The following PPIH variants were observed in gnomAD, a reference collection of about 807,000 sequenced individuals.
PPIH encodes peptidyl-prolyl cis-trans isomerase H.
In PPIH, 16 loss-of-function variants were observed where a neutral mutation model predicts 27.6. The observed-to-expected ratio is 0.58, with a 90% confidence interval of 0.39 to 0.88. PPIH has a LOEUF of 0.88. PPIH is among the 40% of genes least tolerant of loss of function. PPIH has a pLI of 0.00. For missense variants in PPIH, 155 were observed against 224.1 expected, an observed-to-expected ratio of 0.69 and a Z score of 1.97; for synonymous variants, 63 against 76.1, an observed-to-expected ratio of 0.83 and a Z score of 0.90.
intron 5 of PPIH, among the ~76,000 whole-genome samples, chr1:42,663,332 G>A (rs2148713007): frequency 6.6e-6 from 1 of 152,160 alleles, no homozygotes; most frequent in South Asian, 2.1e-4. Flanking sequence ...GATAGATGAG[G>A]AAATTGAGGC....
At chr1:42,665,335 G>A (rs192084777) in intron 6 of PPIH, among the ~76,000 whole-genome samples, 2 of 152,238 alleles carry the variant, frequency 1.3e-5, no homozygotes, top group African/African-American at 4.8e-5. Context: ...AACCCAGGAC[G>A]GGGAAGTTGC....
At chr1:42,664,668 T>C (rs1243209435) in intron 5 of PPIH, among the ~76,000 whole-genome samples, 195 bp from the exon 6 acceptor site, 3 of 152,124 alleles carry the variant, frequency 2.0e-5, no homozygotes, top group Non-Finnish European at 4.4e-5. Context: ...CAGCCAGTCT[T>C]TGTGGGCTGT....
chr1:42,681,431 G>A (rs1052359366), downstream of PPIH: 2 of 152,162 alleles, frequency 1.3e-5, no homozygotes, highest in African/African-American at 4.8e-5. Context: ...GCCTCCATCA[G>A]AAGGCAGAAA....
Position 42,658,841 on chromosome 1 carries a change from C to A in PPIH, c.67-3C>A. ...CCTTCTGACACTCTCCCGCTGATTG[C>A]AGGAAGTTGGCCGCATGAAGATCGA... On this transcript the variant is annotated splice_polypyrimidine_tract_variant and splice_region_variant and intron_variant, in intron 1 of 9. Transcript: ENST00000304979. 6.2e-7 allele frequency: 1 copy of A among 1,614,220 alleles called. No individual in the cohort carries two copies. Among genetic ancestry groups the A allele is most frequent in the Non-Finnish European group, 8.5e-7 (1 of 1,180,014 alleles).
rs748988798 is a variant in PPIH, at chr1:42,661,101, T to C, written c.243+197T>C. 5.4e-4 allele frequency: 304 copies of C among 562,724 alleles called. 1 individual carries two copies. Among genetic ancestry groups the C allele is most frequent in the Middle Eastern group, 1.8e-3 (7 of 3,816 alleles). The allele number at this position is 562,724 out of a possible 1,614,324, so 34.9% of individuals were successfully genotyped here. On this transcript the variant is annotated intron_variant, in intron 5 of 9. Coordinates refer to ENST00000304979, the MANE Select transcript of PPIH (RefSeq NM_006347.4). ...ACGACTGACTGTAGATAACCGACTT[T>C]AGCACTTTGATTGAGGCATTAAATT... is the stretch of plus-strand genomic sequence containing the variant.
At chr1:42,664,521 G>A (rs1328570241) in intron 5 of PPIH, among the ~76,000 whole-genome samples, 2 of 152,186 alleles carry the variant, frequency 1.3e-5, no homozygotes, top group Non-Finnish European at 2.9e-5. Context: ...TTATGTGACT[G>A]AAGGCATGAG....
downstream of PPIH, among the ~76,000 whole-genome samples, chr1:42,676,947 ACT>A (rs1390515772): frequency 1.3e-5 from 2 of 151,566 alleles, no homozygotes; most frequent in East Asian, 3.9e-4. Context: ...AGCAAACCTA[ACT>A]CTCTTAGGTT....
chr1:42,665,332 G>T (rs973961539), intron 6 of PPIH, among the ~76,000 whole-genome samples: 1 of 152,134 alleles, frequency 6.6e-6, no homozygotes, highest in African/African-American at 2.4e-5. Flanking sequence ...TTGAACCCAG[G>T]ACGGGGAAGT....
intron 9 of PPIH, among the ~76,000 whole-genome samples, chr1:42,674,827 G>C (rs1275547674): frequency 6.6e-6 from 1 of 152,168 alleles, no homozygotes; most frequent in Non-Finnish European, 1.5e-5. Context: ...GACACTGTAT[G>C]TTCCCTGTCC....
chr1:42,659,010 T>A (rs566304011), intron 2 of PPIH, 102 bp downstream of exon 2: 1 of 1,386,970 alleles, frequency 7.2e-7, no homozygotes, highest in African/African-American at 1.4e-5. Context: ...CGCTCACTGC[T>A]CTTGAGACCT....
downstream of PPIH, among the ~76,000 whole-genome samples, chr1:42,681,043 G>A (rs1011552354): frequency 1.3e-5 from 2 of 152,086 alleles, no homozygotes; most frequent in Admixed American, 1.3e-4. Context: ...GCATTGGTAG[G>A]GGTAAGGAAT....
chr1:42,665,487 C>G (rs991781967), intron 6 of PPIH, among the ~76,000 whole-genome samples: 1 of 152,084 alleles, frequency 6.6e-6, no homozygotes, highest in Non-Finnish European at 1.5e-5. Context: ...AAATCTGAAC[C>G]AGGATTTGTG....
At position 42,676,570 on chromosome 1, in the gene PPIH, C is replaced by T. The variant is rs544472738; in HGVS notation, c.*22-14C>T. On this transcript the variant is annotated splice_polypyrimidine_tract_variant and intron_variant, in intron 9 of 9. Coordinates refer to ENST00000304979, the MANE Select transcript of PPIH (RefSeq NM_006347.4). ...CCCCATCCCACACTGACCTCCATGT[C>T]TCTGCCATTGTAGGCCTTCCCTTCT... 1 of 151,664 alleles carries T rather than the reference C, an allele frequency of 6.6e-6. No individual in the cohort carries two copies. The highest frequency in any genetic ancestry group is 1.5e-5 in the Non-Finnish European group (1 of 68,020). The allele number at this position is 151,664 out of a possible 1,614,324, so 9.4% of individuals were successfully genotyped here. A position where few individuals can be genotyped will look rare whatever the true frequency, so the allele number is the denominator to read the frequency against.
At chr1:42,666,671 A>G (rs1649358780) in intron 8 of PPIH, 84 bp downstream of exon 8, 3 of 1,362,852 alleles carry the variant, frequency 2.2e-6, no homozygotes, top group Middle Eastern at 3.6e-4. Context: ...GAGAAGGGGG[A>G]ATGAGCTCCA....
At chr1:42,659,452 A>G (rs1245205949) in intron 3 of PPIH, 70 bp from the exon 4 acceptor site, 1 of 1,614,126 alleles carries the variant, frequency 6.2e-7, no homozygotes, top group East Asian at 2.2e-5. Flanking sequence ...TTTTGGCTCC[A>G]GTGCATGGTA....
chr1:42,661,201 G>T (rs1648996282), intron 5 of PPIH, among the ~76,000 whole-genome samples: 1 of 152,186 alleles, frequency 6.6e-6, no homozygotes, highest in African/African-American at 2.4e-5. Flanking sequence ...TCTATGATAG[G>T]TTCACACTAA....
intron 6 of PPIH, 42 bp from the exon 7 acceptor site, chr1:42,665,938 T>C (rs1649307353): frequency 6.5e-7 from 1 of 1,544,092 alleles, no homozygotes; most frequent in Non-Finnish European, 9.0e-7. Context: ...TCAGCTAACA[T>C]GGCCGGGGAA....
chr1:42,670,078 G>T (rs946682612), intron 9 of PPIH, among the ~76,000 whole-genome samples: 1 of 152,186 alleles, frequency 6.6e-6, no homozygotes, highest in Non-Finnish European at 1.5e-5. Flanking sequence ...AGTAGAGAGG[G>T]AGAATGTCAG....
chr1:42,661,431 C>CT (rs559698416), intron 5 of PPIH, among the ~76,000 whole-genome samples: 139 of 152,282 alleles, frequency 9.1e-4, no homozygotes, highest in African/African-American at 3.2e-3. Flanking sequence ...GCTCTATTCA[C>CT]TGAGAGAGCC....
Sources: gnomAD v4.1 joint callset for allele counts (sites outside exome capture counted in the v4.1 genomes callset) on GRCh38, gnomAD v4.1.1 for gene constraint, MANE v1.5 for transcripts, NCBI Gene and HGNC (gene_info 2026-07-23, HGNC 2026-07-21) for gene names.